Variants in TENM3 observed in about 807,000 individuals in gnomAD.
TENM3 encodes the protein teneurin-3.
In TENM3, 63 loss-of-function variants were observed where a neutral mutation model predicts 255.1. The observed-to-expected ratio is 0.25, with a 90% CI of 0.20 to 0.30. The LOEUF (loss-of-function observed/expected upper bound fraction) is 0.30, where lower values mean the gene tolerates loss of function less well. Ranked by LOEUF, TENM3 falls within the 10% of genes least tolerant of loss-of-function variation. TENM3 has a pLI of 1.00. For synonymous variants in TENM3, 1,306 were observed against 1,322.3 expected (o/e 0.99, Z 0.27); for missense variants, 2,929 against 3,461.1 (o/e 0.85, Z 3.86).
At chr4:181,898,836 T>C in the TENM3 span, among the ~76,000 whole-genome samples, 2 of 152,196 alleles carry the variant, frequency 1.3e-5, no homozygotes, top group African/African-American at 4.8e-5. Flanking sequence ...TTCACTATTT[T>C]TCAAAGTAAG....
chr4:181,954,200 A>G, the TENM3 span, among the ~76,000 whole-genome samples: 1 of 152,160 alleles, frequency 6.6e-6, no homozygotes, highest in African/African-American at 2.4e-5. Flanking sequence ...GTTGTTTCCA[A>G]TTTAATCTAC....
chr4:181,645,836 A>C, the TENM3 span, among the ~76,000 whole-genome samples: 1 of 152,232 alleles, frequency 6.6e-6, no homozygotes, highest in East Asian at 1.9e-4. Context: ...TTTCACATTG[A>C]TGCTAAGAAA....
the TENM3 span, among the ~76,000 whole-genome samples, chr4:181,869,923 C>T: frequency 2.6e-5 from 4 of 152,098 alleles, no homozygotes; most frequent in Non-Finnish European, 5.9e-5. Flanking sequence ...CATGGAAATA[C>T]TCCATTGAGC....
chr4:181,630,631 C>T, the TENM3 span, among the ~76,000 whole-genome samples: 1 of 152,170 alleles, frequency 6.6e-6, no homozygotes, highest in Admixed American at 6.5e-5. Context: ...TGTTCAGTTT[C>T]CATGCAGTTG....
chr4:181,664,476 T>TAA, the TENM3 span, among the ~76,000 whole-genome samples: 47,100 of 140,256 alleles, frequency 0.34, 7,525 homozygotes, highest in African/African-American at 0.38. Context: ...GTCTAAAAAA[T>TAA]AAAAAAAAAC....
At chr4:181,513,464 C>A in the TENM3 span, among the ~76,000 whole-genome samples, 1 of 152,128 alleles carries the variant, frequency 6.6e-6, no homozygotes, top group African/African-American at 2.4e-5. Flanking sequence ...CCATTTCATA[C>A]CAACACTAAC....
intron 12 of TENM3, among the ~76,000 whole-genome samples, chr4:182,695,291 G>C (rs918050100): frequency 1.3e-5 from 2 of 152,046 alleles, no homozygotes; most frequent in Non-Finnish European, 2.9e-5. Context: ...TAAATGTCAG[G>C]GTCCTTCATT....
At chr4:181,641,843 T>C in the TENM3 span, among the ~76,000 whole-genome samples, 7 of 102,414 alleles carry the variant, frequency 6.8e-5, no homozygotes, top group African/African-American at 1.5e-4. Flanking sequence ...TATATATATA[T>C]GCCACATTTT....
the TENM3 span, among the ~76,000 whole-genome samples, chr4:181,596,935 G>T: frequency 0.051 from 7,786 of 152,114 alleles, 297 homozygotes; most frequent in South Asian, 0.12. Context: ...CTTTTGGGAG[G>T]GTGGAGGGTG....
At chr4:182,567,360 C>T (rs1050194729) in intron 3 of TENM3, among the ~76,000 whole-genome samples, 5 of 152,158 alleles carry the variant, frequency 3.3e-5, no homozygotes, top group Admixed American at 6.5e-5. Flanking sequence ...CCTTCCCTCC[C>T]GTCCCATGCC....
chr4:182,457,696 CACAGGTG>C (rs1773990728), intron 3 of TENM3, among the ~76,000 whole-genome samples: 1 of 150,890 alleles, frequency 6.6e-6, no homozygotes, highest in Non-Finnish European at 1.5e-5. Context: ...TGGTTGGGAC[CACAGGTG>C]TGTGCCACCA....
chr4:182,751,534 A>T (rs1762369186), intron 19 of TENM3, among the ~76,000 whole-genome samples: 1 of 152,204 alleles, frequency 6.6e-6, no homozygotes, highest in Non-Finnish European at 1.5e-5. Flanking sequence ...TGCCTTTTAA[A>T]GGTAATATTT....
chr4:181,879,661 A>T, the TENM3 span, among the ~76,000 whole-genome samples: 1 of 152,284 alleles, frequency 6.6e-6, no homozygotes, highest in South Asian at 2.1e-4. Context: ...GGTAAATTTT[A>T]TTTTCTTCAA....
intron 3 of TENM3, among the ~76,000 whole-genome samples, chr4:182,375,863 T>A (rs2150888529): frequency 6.6e-6 from 1 of 152,250 alleles, no homozygotes; most frequent in Admixed American, 6.5e-5. Context: ...ATGTTGTGGG[T>A]GCTTTTTAAA....
chr4:182,181,372 G>T (rs1472042936), intron 1 of TENM3, among the ~76,000 whole-genome samples: 1 of 152,172 alleles, frequency 6.6e-6, no homozygotes, highest in Non-Finnish European at 1.5e-5. Context: ...GAAAGAGGGG[G>T]CCCTCCCGTG....
chr4:181,641,784 CATATATATATACACACACACCAT>C, the TENM3 span, among the ~76,000 whole-genome samples: 4 of 62,966 alleles, frequency 6.4e-5, no homozygotes, highest in African/African-American at 2.6e-4. Context: ...ATACACACAC[CATATATATATACACACACACCAT>C]ATATATATAT....
chr4:182,550,572 AGC>A (rs1741897861), intron 3 of TENM3, among the ~76,000 whole-genome samples: 1 of 152,156 alleles, frequency 6.6e-6, no homozygotes, highest in African/African-American at 2.4e-5. Context: ...TTTAATTCTT[AGC>A]CTCTGAAGCT....
chr4:181,901,407 C>A, the TENM3 span, among the ~76,000 whole-genome samples: 1 of 152,190 alleles, frequency 6.6e-6, no homozygotes, highest in Non-Finnish European at 1.5e-5. Flanking sequence ...AGAATGGGAT[C>A]CACCTTTGAG....
the TENM3 span, among the ~76,000 whole-genome samples, chr4:181,520,101 T>C: frequency 6.6e-6 from 1 of 152,210 alleles, no homozygotes; most frequent in Admixed American, 6.5e-5. Flanking sequence ...TTCTACAAGA[T>C]GGTGGCAAAG....
Sources: allele counts gnomAD v4.1 joint callset (sites outside exome capture counted in the v4.1 genomes callset), GRCh38; gene constraint gnomAD v4.1.1; transcripts MANE v1.5; gene names NCBI Gene and HGNC (gene_info 2026-07-23, HGNC 2026-07-21).